Variants in PARD3B observed in about 807,000 individuals in gnomAD.
PARD3B encodes partitioning defective 3 homolog B.
A neutral mutation model predicts 130.2 loss-of-function variants in PARD3B; 103 were observed. That is an observed-to-expected ratio of 0.79 (90% CI 0.67 to 0.93). The LOEUF is 0.93. PARD3B is among the 40% of genes least tolerant of loss of function. The probability of loss-of-function intolerance (pLI) is 0.00; values close to 1 mark genes in which losing one functional copy is unlikely to be tolerated. For missense variants in PARD3B, 1,609 were observed against 1,499.2 expected (o/e 1.07, Z -1.21); for synonymous variants, 583 against 553.2 (o/e 1.05, Z -0.76).
intron 2 of PARD3B, among the ~76,000 whole-genome samples, chr2:204,811,143 G>C (rs1187820578): frequency 6.6e-6 from 1 of 151,734 alleles, no homozygotes; most frequent in African/African-American, 2.4e-5. Context: ...ATTTTTGTGG[G>C]GTCAGTGGTA....
intron 20 of PARD3B, among the ~76,000 whole-genome samples, chr2:205,480,331 C>G (rs6756116): frequency 0.36 from 54,620 of 152,068 alleles, 10,501 homozygotes; most frequent in African/African-American, 0.49. Context: ...GTAATTCAGA[C>G]CTTAGATTAA....
chr2:204,846,664 A>G (rs1490892029), intron 2 of PARD3B, among the ~76,000 whole-genome samples: 1 of 150,072 alleles, frequency 6.7e-6, no homozygotes, highest in East Asian at 1.9e-4. Flanking sequence ...ACAAGTACAA[A>G]CAAGGTCCAG....
intron 16 of PARD3B, among the ~76,000 whole-genome samples, chr2:205,249,288 A>G (rs1574500134): frequency 6.6e-6 from 1 of 151,970 alleles, no homozygotes; most frequent in Middle Eastern, 3.4e-3. Context: ...GAAGTTAAAC[A>G]AATTAAATTG....
In PARD3B at chr2:205,573,616, T is replaced by A. The variant is rs528684649; in HGVS notation, c.3260+20213T>A. On this transcript the variant is annotated intron_variant, in intron 22 of 22. Coordinates refer to ENST00000406610, the MANE Select transcript of PARD3B (RefSeq NM_001302769.2). ...AGAGTATTTTGCTTTGTTTGATTTT[T>A]GTGCCAAAGGAAAAGATTTCAAAGA... is the stretch of plus-strand genomic sequence containing the variant. Among the ~76,000 whole-genome samples, 3 of 152,348 alleles carry A rather than the reference T, an allele frequency of 2.0e-5. No individual in the cohort carries two copies. In the East Asian group the frequency reaches 5.8e-4, roughly 29 times the overall value.
At chr2:205,311,092 G>A (rs922486715) in intron 18 of PARD3B, among the ~76,000 whole-genome samples, 1 of 152,174 alleles carries the variant, frequency 6.6e-6, no homozygotes, top group African/African-American at 2.4e-5. Context: ...GGGCACTTAA[G>A]TTGATTCCAT....
chr2:204,747,118 G>A (rs1400696375), intron 2 of PARD3B, among the ~76,000 whole-genome samples: 8 of 152,044 alleles, frequency 5.3e-5, no homozygotes, highest in South Asian at 2.1e-4. Flanking sequence ...TAGGTCTAAC[G>A]TTTAAGTCTT....
chr2:205,415,185 G>T (rs1187333874), intron 19 of PARD3B, among the ~76,000 whole-genome samples: 1 of 152,072 alleles, frequency 6.6e-6, no homozygotes, highest in Non-Finnish European at 1.5e-5. Flanking sequence ...CAATATTATA[G>T]TTCACTGCTT....
chr2:205,308,146 A>T (rs1451471042), intron 18 of PARD3B, among the ~76,000 whole-genome samples: 2 of 152,202 alleles, frequency 1.3e-5, no homozygotes, highest in Non-Finnish European at 2.9e-5. Flanking sequence ...AATTTATTGT[A>T]ATCAATAATT....
At chr2:204,870,696 G>T (rs1041708747) in intron 2 of PARD3B, among the ~76,000 whole-genome samples, 2 of 152,168 alleles carry the variant, frequency 1.3e-5, no homozygotes, top group African/African-American at 4.8e-5. Context: ...TAACTTGGAA[G>T]TTTTGTTGCA....
At chr2:204,820,169 G>A (rs1235044413) in intron 2 of PARD3B, among the ~76,000 whole-genome samples, 1 of 137,006 alleles carries the variant, frequency 7.3e-6, no homozygotes, top group Non-Finnish European at 1.5e-5. Flanking sequence ...TCTACCTCCC[G>A]GGTTCAAGTG....
chr2:205,206,924 GCACCA>G (rs2037350079), intron 15 of PARD3B, among the ~76,000 whole-genome samples: 3 of 147,854 alleles, frequency 2.0e-5, no homozygotes, highest in Non-Finnish European at 3.0e-5. Context: ...ATTTTTTTCG[GCACCA>G]CACCACACCT....
intron 19 of PARD3B, among the ~76,000 whole-genome samples, chr2:205,438,290 G>A (rs2047588190): frequency 6.6e-6 from 1 of 152,150 alleles, no homozygotes; most frequent in Non-Finnish European, 1.5e-5. Context: ...AAACCTCTAA[G>A]AAGGAAGTGA....
chr2:205,090,283 G>T (rs1407893088), intron 4 of PARD3B, among the ~76,000 whole-genome samples: 1 of 152,150 alleles, frequency 6.6e-6, no homozygotes, highest in Non-Finnish European at 1.5e-5. Flanking sequence ...ACCAAGGGAA[G>T]GTTTGATTAA....
intron 2 of PARD3B, among the ~76,000 whole-genome samples, chr2:204,820,905 A>G (rs553790705): frequency 1.3e-5 from 2 of 152,260 alleles, no homozygotes; most frequent in South Asian, 2.1e-4. Flanking sequence ...TAAATTTACC[A>G]TATCTGTGTT....
intron 3 of PARD3B, among the ~76,000 whole-genome samples, chr2:205,000,023 T>A (rs147513663): frequency 7.0e-4 from 107 of 152,248 alleles, no homozygotes; most frequent in African/African-American, 2.5e-3. Flanking sequence ...CACAGGGTTT[T>A]TTTTTTTTTA....
At chr2:204,613,309 G>A (rs954366059) in intron 1 of PARD3B, among the ~76,000 whole-genome samples, 2 of 152,050 alleles carry the variant, frequency 1.3e-5, no homozygotes, top group Non-Finnish European at 2.9e-5. Flanking sequence ...TATTATTGTT[G>A]AGAAGGCCAC....
At position 204,675,078 on chromosome 2, in the gene PARD3B, C is replaced by T. The variant is rs188269895; in HGVS notation, c.121-11103C>T. Among the ~76,000 whole-genome samples, 38 of 152,202 alleles carry T rather than the reference C, an allele frequency of 2.5e-4. No individual in the cohort carries two copies. Among genetic ancestry groups the T allele is most frequent in the Non-Finnish European group, 5.9e-5 (4 of 67,994 alleles). ...GTAGGCTTTGAATTCCTCTGGACCA[C>T]ACAAGTTTCTAAAACCTTGGCATCC... is the stretch of plus-strand genomic sequence containing the variant. On this transcript the variant is annotated intron_variant, in intron 1 of 22. Coordinates refer to ENST00000406610, the MANE Select transcript of PARD3B (RefSeq NM_001302769.2). This position sits in a 1 kb window ranked among gnomAD's most constrained non-coding sequence, Gnocchi z 4.4.
intron 20 of PARD3B, among the ~76,000 whole-genome samples, chr2:205,452,153 A>T: frequency 6.6e-6 from 1 of 152,182 alleles, no homozygotes; most frequent in East Asian, 1.9e-4. Context: ...TCACTGGGGC[A>T]ATGTAGGATA....
chr2:205,551,785 C>G lies in PARD3B; in HGVS notation c.3181-1539C>G, dbSNP rs570418064. Among the ~76,000 whole-genome samples, 10 of 152,290 alleles carry G rather than the reference C, an allele frequency of 6.6e-5. No homozygotes were observed. In the South Asian group the frequency reaches 2.1e-3, roughly 32 times the overall value. ...ACTTTTGGTAAGAAGAAAATAACTT[C>G]CAGGTGGTTGATTACCGCCTAGAAA... On this transcript the variant is annotated intron_variant, in intron 21 of 22. Coordinates refer to ENST00000406610, the MANE Select transcript of PARD3B (RefSeq NM_001302769.2).
Sources: allele counts gnomAD v4.1 joint callset (sites outside exome capture counted in the v4.1 genomes callset), GRCh38; gene constraint gnomAD v4.1.1; non-coding constraint Gnocchi (gnomAD v3.1); transcripts MANE v1.5; gene names NCBI Gene and HGNC (gene_info 2026-07-23, HGNC 2026-07-21).